VAV3: variants seen among roughly 807,000 people sequenced by gnomAD.
VAV3 encodes vav guanine nucleotide exchange factor 3.
A neutral mutation model predicts 131.2 loss-of-function variants in VAV3; 94 were observed. The observed-to-expected ratio is 0.72, with a 90% CI of 0.61 to 0.85. The LOEUF (loss-of-function observed/expected upper bound fraction) is 0.85. Among genes scored for constraint, VAV3 ranks in the 40% least tolerant of loss-of-function variants. VAV3 has a pLI of 0.00. For synonymous variants in VAV3, 349 were observed against 342.0 expected (o/e 1.02, Z -0.22); for missense variants, 939 against 1,002.7 (o/e 0.94, Z 0.86).
At chr1:107,610,658 A>C (rs1652658652) in intron 21 of VAV3, among the ~76,000 whole-genome samples, 1 of 152,192 alleles carries the variant, frequency 6.6e-6, no homozygotes, top group African/African-American at 2.4e-5. Flanking sequence ...CGCACAAGGA[A>C]AAATATTGCA....
At chr1:107,899,324 A>G (rs977764783) in intron 1 of VAV3, among the ~76,000 whole-genome samples, 9 of 152,340 alleles carry the variant, frequency 5.9e-5, no homozygotes, top group Admixed American at 1.3e-4. Context: ...GTAAGCGGCC[A>G]TCCAATCATC....
chr1:107,913,275 T>C (rs940953780), intron 1 of VAV3, among the ~76,000 whole-genome samples: 4 of 152,288 alleles, frequency 2.6e-5, no homozygotes, highest in African/African-American at 9.6e-5. Context: ...GCCAGAGAAA[T>C]GTCAGAAGGC....
intron 19 of VAV3, among the ~76,000 whole-genome samples, chr1:107,681,962 G>A (rs530514264): frequency 3.3e-5 from 5 of 152,260 alleles, no homozygotes; most frequent in South Asian, 2.1e-4. Flanking sequence ...ACCCAGCCAC[G>A]TATGTTCTTA....
intron 2 of VAV3, among the ~76,000 whole-genome samples, chr1:107,819,246 A>C (rs1330493841): frequency 1.3e-5 from 2 of 152,192 alleles, no homozygotes; most frequent in Admixed American, 1.3e-4. Flanking sequence ...GCTATCATGC[A>C]GATTAAATAC....
intron 12 of VAV3, among the ~76,000 whole-genome samples, chr1:107,754,833 G>A (rs12136131): frequency 0.11 from 16,882 of 152,018 alleles, 1,061 homozygotes; most frequent in Non-Finnish European, 0.14. Flanking sequence ...CTAGATCTTC[G>A]TGTGGCTGGC....
At chr1:107,748,740 C>G (rs2102055002) in intron 15 of VAV3, among the ~76,000 whole-genome samples, 1 of 152,236 alleles carries the variant, frequency 6.6e-6, no homozygotes, top group African/African-American at 2.4e-5. Flanking sequence ...AAGATTAGAG[C>G]TCCCTCTTTC....
intron 15 of VAV3, among the ~76,000 whole-genome samples, chr1:107,740,229 C>G (rs7545935): frequency 0.029 from 4,345 of 151,234 alleles, 196 homozygotes; most frequent in African/African-American, 0.094. Flanking sequence ...GGAGGTTGCA[C>G]TGAGCTGAGA....
At chr1:107,671,338 G>A (rs1197253383) in intron 19 of VAV3, among the ~76,000 whole-genome samples, 1 of 152,172 alleles carries the variant, frequency 6.6e-6, no homozygotes, top group Non-Finnish European at 1.5e-5. Flanking sequence ...TGCCAGGCAG[G>A]AATCCAAAGT....
At chr1:107,654,486 A>G (rs1437907496) in intron 19 of VAV3, among the ~76,000 whole-genome samples, 1 of 152,058 alleles carries the variant, frequency 6.6e-6, no homozygotes, top group Non-Finnish European at 1.5e-5. Flanking sequence ...AATGTAAAAT[A>G]TTTGAAATGT....
intron 19 of VAV3, among the ~76,000 whole-genome samples, chr1:107,656,364 A>G (rs1432945337): frequency 6.6e-6 from 1 of 152,204 alleles, no homozygotes; most frequent in Admixed American, 6.5e-5. Flanking sequence ...AGCCAAGCAT[A>G]GAAAGACAAA....
At chr1:107,669,880 C>T (rs1026685757) in intron 19 of VAV3, among the ~76,000 whole-genome samples, 10 of 152,116 alleles carry the variant, frequency 6.6e-5, no homozygotes, top group Non-Finnish European at 8.8e-5. Context: ...AAAATATAAT[C>T]AATACTACAC....
chr1:107,836,904 T>A (rs7549067), intron 2 of VAV3, among the ~76,000 whole-genome samples: 8,622 of 151,934 alleles, frequency 0.057, 464 homozygotes, highest in African/African-American at 0.14. Flanking sequence ...CATTCTGAAA[T>A]TGAATCAGTA....
intron 2 of VAV3, among the ~76,000 whole-genome samples, chr1:107,869,693 T>G (rs929346163): frequency 4.6e-5 from 7 of 152,212 alleles, no homozygotes; most frequent in African/African-American, 1.4e-4. Flanking sequence ...AGGTGGTATT[T>G]GGTTACATGA....
intron 15 of VAV3, among the ~76,000 whole-genome samples, chr1:107,706,409 G>T (rs1393439851): frequency 6.6e-6 from 1 of 152,180 alleles, no homozygotes; most frequent in African/African-American, 2.4e-5. Flanking sequence ...TCCATCTGCT[G>T]AATATGAGCG....
intron 15 of VAV3, among the ~76,000 whole-genome samples, chr1:107,740,847 G>A (rs1278076156): frequency 6.6e-6 from 1 of 152,222 alleles, no homozygotes; most frequent in East Asian, 1.9e-4. Flanking sequence ...AACTATGACA[G>A]AATTGAGTAG....
At chr1:107,613,326 T>C (rs1406908644) in intron 21 of VAV3, among the ~76,000 whole-genome samples, 1 of 152,070 alleles carries the variant, frequency 6.6e-6, no homozygotes, top group Admixed American at 6.6e-5. Context: ...TTTTCTACAA[T>C]TATCTCTATT....
chr1:107,859,441 AT>A (rs959547721), intron 2 of VAV3, among the ~76,000 whole-genome samples: 13 of 152,188 alleles, frequency 8.5e-5, no homozygotes, highest in African/African-American at 3.1e-4. Flanking sequence ...CATTCCTTGT[AT>A]TTAAACTCTG....
At position 107,964,839 on chromosome 1, in the gene VAV3, G is replaced by A; in HGVS notation, c.31C>T (p.Leu11Phe). The A allele has an allele frequency of 6.2e-7, 1 of 1,611,248 alleles. No individual in the cohort carries two copies. Among genetic ancestry groups the A allele is most frequent in the African/African-American group, 1.3e-5 (1 of 74,982 alleles). ...GTGGGCAGCACCTTGCAATGGATGA[G>A]CCACTGCGCGCACTGCTTCCACGGC... MEPWKQCAQW[L>F]IHCKVLPTNH... The change falls in exon 1 of 27, where the codon CTC (leucine) becomes TTC (phenylalanine). Residue 11 changes from leucine (L) to phenylalanine (F), a missense_variant. Transcript: ENST00000370056.
At chr1:107,697,048 T>A (rs188977562) in intron 17 of VAV3, among the ~76,000 whole-genome samples, 2 of 152,138 alleles carry the variant, frequency 1.3e-5, no homozygotes, top group East Asian at 3.9e-4. Flanking sequence ...AGTACCTACT[T>A]TACCACACTC....
Sources: allele counts gnomAD v4.1 joint callset (sites outside exome capture counted in the v4.1 genomes callset), GRCh38; gene constraint gnomAD v4.1.1; transcripts MANE v1.5; gene names NCBI Gene and HGNC (gene_info 2026-07-23, HGNC 2026-07-21).